Variants in EPHB1 observed in about 807,000 individuals in gnomAD.
EPHB1 encodes ephrin type-B receptor 1.
EPHB1 carries 30 observed loss-of-function variants against 94.4 expected under a neutral mutation model. The ratio of observed to expected loss-of-function variants is 0.32; its 90% CI spans 0.24 to 0.43. The LOEUF is 0.43. EPHB1 is among the 20% of genes least tolerant of loss of function. The probability of loss-of-function intolerance (pLI) is 1.00; values close to 1 mark genes in which losing one functional copy is unlikely to be tolerated. For synonymous variants in EPHB1, 522 were observed against 489.1 expected, an observed-to-expected ratio of 1.07 and a Z score of -0.89; for missense variants, 1,055 against 1,308.3, an observed-to-expected ratio of 0.81 and a Z score of 2.99.
intron 3 of EPHB1, among the ~76,000 whole-genome samples, chr3:135,033,087 T>G (rs1351126336): frequency 6.6e-6 from 1 of 152,182 alleles, no homozygotes; most frequent in East Asian, 1.9e-4. Context: ...AAAGTCCATC[T>G]CCCTGAAGAA....
intron 10 of EPHB1, among the ~76,000 whole-genome samples, chr3:135,191,484 TGAGA>T (rs1942455216): frequency 6.6e-6 from 1 of 152,166 alleles, no homozygotes; most frequent in Non-Finnish European, 1.5e-5. Context: ...AAGTGGAAAG[TGAGA>T]GAGAAAGTTT....
At chr3:135,250,989 C>T (rs549825275) in intron 15 of EPHB1, among the ~76,000 whole-genome samples, 1 of 152,144 alleles carries the variant, frequency 6.6e-6, no homozygotes, top group South Asian at 2.1e-4. Flanking sequence ...GGGACAGCTT[C>T]CTGACATTCC....
At chr3:135,160,846 G>T (rs960753726) in intron 6 of EPHB1, among the ~76,000 whole-genome samples, 3 of 152,168 alleles carry the variant, frequency 2.0e-5, no homozygotes, top group Non-Finnish European at 2.9e-5. Context: ...AATCTGGAGG[G>T]AGTAGAGGAG....
At chr3:135,182,776 C>G (rs1437790809) in intron 10 of EPHB1, among the ~76,000 whole-genome samples, 1 of 152,200 alleles carries the variant, frequency 6.6e-6, no homozygotes, top group Admixed American at 6.5e-5. Flanking sequence ...GACCTTCCAG[C>G]AGTGGACATG....
At chr3:135,169,654 G>A (rs1941748510) in intron 9 of EPHB1, among the ~76,000 whole-genome samples, 1 of 152,194 alleles carries the variant, frequency 6.6e-6, no homozygotes, top group South Asian at 2.1e-4. Flanking sequence ...TGGAGGGAGG[G>A]CCTGGCCAAA....
intron 2 of EPHB1, among the ~76,000 whole-genome samples, chr3:134,944,113 G>T (rs1560308508): frequency 6.6e-6 from 1 of 152,098 alleles, no homozygotes; most frequent in East Asian, 1.9e-4. Context: ...CCAGTTTGTA[G>T]TCGCTCCCCA....
At chr3:135,064,219 A>G (rs1412598019) in intron 3 of EPHB1, among the ~76,000 whole-genome samples, 1 of 152,140 alleles carries the variant, frequency 6.6e-6, no homozygotes, top group African/African-American at 2.4e-5. Flanking sequence ...AGAATGAATT[A>G]GGGAGGGTTC....
At chr3:134,908,507 G>A (rs1391941357) in intron 1 of EPHB1, among the ~76,000 whole-genome samples, 1 of 152,238 alleles carries the variant, frequency 6.6e-6, no homozygotes, top group African/African-American at 2.4e-5. Context: ...TAGGGCTTTT[G>A]TGAGTTCCCA....
At chr3:135,230,285 C>T (rs999425048) in intron 12 of EPHB1, among the ~76,000 whole-genome samples, 2 of 152,162 alleles carry the variant, frequency 1.3e-5, no homozygotes, top group African/African-American at 4.8e-5. Context: ...GTCCCCTCCC[C>T]ACCTGCCTTG....
intron 1 of EPHB1, among the ~76,000 whole-genome samples, chr3:134,872,086 G>T (rs143463020): frequency 6.6e-6 from 1 of 152,256 alleles, no homozygotes; most frequent in Non-Finnish European, 1.5e-5. Context: ...TTGACTTTCT[G>T]GTCCTACCTC....
At chr3:135,234,183 G>A (rs13099542) in intron 12 of EPHB1, among the ~76,000 whole-genome samples, 50,065 of 151,914 alleles carry the variant, frequency 0.33, 8,877 homozygotes, top group Non-Finnish European at 0.38. Context: ...ATACTTTGCC[G>A]CTTAGAAATT....
At chr3:135,055,344 A>G (rs1937318374) in intron 3 of EPHB1, among the ~76,000 whole-genome samples, 1 of 152,216 alleles carries the variant, frequency 6.6e-6, no homozygotes. Context: ...ACCGGCTCAC[A>G]TCTCTCAGGC....
intron 3 of EPHB1, among the ~76,000 whole-genome samples, chr3:135,066,097 C>T (rs1457375978): frequency 2.0e-5 from 3 of 152,128 alleles, no homozygotes; most frequent in Non-Finnish European, 4.4e-5. Context: ...TCCTTTATAG[C>T]TTACCTGGTG....
At chr3:134,929,819 T>A (rs1289499146) in intron 2 of EPHB1, among the ~76,000 whole-genome samples, 1 of 152,134 alleles carries the variant, frequency 6.6e-6, no homozygotes, top group Non-Finnish European at 1.5e-5. Flanking sequence ...ATGAACTTCA[T>A]GGCACTGAGG....
intron 6 of EPHB1, among the ~76,000 whole-genome samples, chr3:135,159,300 C>T (rs1257986509): frequency 6.6e-6 from 1 of 152,222 alleles, no homozygotes; most frequent in African/African-American, 2.4e-5. Flanking sequence ...TGAACTTCTT[C>T]AAGAATGTTT....
At chr3:135,087,021 A>G (rs1274402404) in intron 3 of EPHB1, among the ~76,000 whole-genome samples, 1 of 152,198 alleles carries the variant, frequency 6.6e-6, no homozygotes, top group Non-Finnish European at 1.5e-5. Context: ...GAAAAATAAA[A>G]CCAGTACCTT....
In EPHB1 at chr3:134,844,899, G is replaced by A. The variant is rs138322497; in HGVS notation, c.58+49210G>A. On this transcript the variant is annotated intron_variant, in intron 1 of 15. Coordinates refer to ENST00000398015, the MANE Select transcript of EPHB1 (RefSeq NM_004441.5). ...CAGTTTGCATGTGTTTTGATGTGAC[G>A]GACTTTTCCTGGCTGTGGAGTCCCT... is the stretch of plus-strand genomic sequence containing the variant. Among the ~76,000 whole-genome samples, 39 of 152,224 alleles carry A rather than the reference G, an allele frequency of 2.6e-4. 1 individual carries two copies. The highest frequency in any genetic ancestry group is 8.7e-4 in the African/African-American group (36 of 41,532).
chr3:134,913,349 T>C (rs2038495349), intron 1 of EPHB1, among the ~76,000 whole-genome samples: 1 of 152,058 alleles, frequency 6.6e-6, no homozygotes, highest in South Asian at 2.1e-4. Context: ...TGAACTTTCA[T>C]CTAACATCAG....
chr3:134,921,113 A>G (rs55905990), intron 1 of EPHB1, among the ~76,000 whole-genome samples: 7,636 of 152,194 alleles, frequency 0.05, 239 homozygotes, highest in Non-Finnish European at 0.065. Context: ...AGCCCTTGCC[A>G]GAAATCCCTT....
Sources: gnomAD v4.1 joint callset for allele counts (sites outside exome capture counted in the v4.1 genomes callset) on GRCh38, gnomAD v4.1.1 for gene constraint, MANE v1.5 for transcripts, NCBI Gene and HGNC (gene_info 2026-07-23, HGNC 2026-07-21) for gene names.